The following IFI30 variants were observed in gnomAD, a reference collection of about 807,000 sequenced individuals.
IFI30 encodes IFI30 lysosomal thiol reductase, also known as gamma-interferon-inducible lysosomal thiol reductase.
Under a neutral mutation model 30.1 loss-of-function variants are expected in IFI30, and 26 were observed. That is an observed-to-expected ratio of 0.87 (90% CI 0.63 to 1.20). IFI30 has a LOEUF of 1.20. Ranked by LOEUF, IFI30 falls within the 50% of genes most tolerant of loss-of-function variation. IFI30 has a pLI of 0.00. For missense variants in IFI30, 296 were observed against 312.5 expected, an observed-to-expected ratio of 0.95 and a Z score of 0.40; for synonymous variants, 149 against 134.5, an observed-to-expected ratio of 1.11 and a Z score of -0.75.
Position 18,178,036 on chromosome 19 carries a change from C to A in IFI30, c.*125C>A. On this transcript the variant is annotated 3_prime_UTR_variant, in exon 7 of 7. Coordinates refer to ENST00000407280, the MANE Select transcript of IFI30 (RefSeq NM_006332.5). ...GGAAAATTTTATGCATCCCATGAAG[C>A]CCAGATACACAAAATTCCACCCCAT... is the stretch of plus-strand genomic sequence containing the variant. The A allele has an allele frequency of 1.1e-6, 1 of 880,830 alleles. No individual in the cohort carries two copies. Among genetic ancestry groups the A allele is most frequent in the Non-Finnish European group, 1.8e-6 (1 of 551,926 alleles). 54.6% of individuals were successfully genotyped at this position (880,830 alleles called of 1,614,324 possible). A position where few individuals can be genotyped will look rare whatever the true frequency, so the allele number is the denominator to read the frequency against.
rs1171734482 is a variant in IFI30 at position 18,177,183 on chromosome 19, TG to T, written c.529del (p.Glu177SerfsTer78). On this transcript the variant is annotated frameshift_variant, in exon 5 of 7. Coordinates refer to ENST00000407280, the MANE Select transcript of IFI30 (RefSeq NM_006332.5). LOFTEE classifies it high-confidence loss of function. ...YAPGLSPDTI[M>X]ECAMGDRGMQ... ...CCAGGGCTGTCGCCAGACACTATCA[TG>T]GAGTGTGCAATGGGGGACCGCGGCA... The T allele has an allele frequency of 8.9e-6, 14 of 1,573,574 alleles. No individual in the cohort carries two copies. Among genetic ancestry groups the T allele is most frequent in the Non-Finnish European group, 1.2e-5 (14 of 1,159,496 alleles).
In IFI30 at chr19:18,173,988, A is replaced by G. The variant is rs1967233138; in HGVS notation, c.132+15A>G. 4 of 1,546,740 alleles carry G rather than the reference A, an allele frequency of 2.6e-6. No homozygotes were observed. Among genetic ancestry groups the G allele is most frequent in the East Asian group, 2.5e-5 (1 of 40,506 alleles). Reference sequence around the variant, plus strand: ...TTAACTACAAGGTAGGGACGGCGACAGGGCGGGCAGGCTGGAGGGAACAGG... The same window carrying G: ...TTAACTACAAGGTAGGGACGGCGACGGGGCGGGCAGGCTGGAGGGAACAGG... On this transcript the variant is annotated intron_variant, in intron 1 of 6. Transcript: ENST00000407280.
Position 18,177,832 on chromosome 19 carries a change from A to G in IFI30, c.691-17A>G, listed in dbSNP as rs77583590. The G allele has an allele frequency of 8.4e-3, 13,453 of 1,605,778 alleles. 334 individuals carry two copies. The highest frequency in any genetic ancestry group is 0.065 in the Admixed American group (3,820 of 58,398). On this transcript the variant is annotated splice_polypyrimidine_tract_variant and intron_variant, in intron 6 of 6. Transcript: ENST00000407280. ...GGGTCTCCTTCCAGGACCCCAACTC[A>G]TGGCCTTCACCTCCAGGGCAAGAAG...
chr19:18,177,731 C>G lies in IFI30; in HGVS notation c.657C>G (p.Thr219=). The part of the protein sequence containing the change: ...TVNGKPLEDQ[T]QLLTLVCQLY... ...TGCAGAAACCCTTGGAAGATCAGAC[C>G]CAGCTCCTTACCCTTGTCTGCCAGT... is the stretch of plus-strand genomic sequence containing the variant. Residue 219 remains threonine, a synonymous_variant, in exon 6 of 7, where the codon ACC becomes ACG. Coordinates refer to ENST00000407280, the MANE Select transcript of IFI30 (RefSeq NM_006332.5). 1.9e-6 allele frequency: 3 copies of G among 1,613,804 alleles called. No individual in the cohort carries two copies. The highest frequency in any genetic ancestry group is 2.5e-6 in the Non-Finnish European group (3 of 1,179,858).
intron 1 of IFI30, 184 bp from the exon 2 acceptor site, chr19:18,174,856 G>A (rs978684708): frequency 8.9e-5 from 50 of 563,078 alleles, no homozygotes; most frequent in Non-Finnish European, 1.3e-4. Flanking sequence ...TAGCGACAGT[G>A]AGACTCCATC....
In IFI30 at chr19:18,175,077, C is replaced by G. The variant is rs917378995; in HGVS notation, c.170C>G (p.Ser57Cys). 5.0e-6 allele frequency: 8 copies of G among 1,613,762 alleles called. No homozygotes were observed. Among genetic ancestry groups the G allele is most frequent in the Non-Finnish European group, 6.8e-6 (8 of 1,179,860 alleles). ...TACCTGCGGGGGCCCCTGAAGAAGT[C>G]CAATGCACCGCTTGTCAATGTGACC... ...NLYLRGPLKK[S>C]NAPLVNVTLY... Residue 57 changes from serine (S) to cysteine (C), a missense_variant, in exon 2 of 7, where the codon TCC (serine) becomes TGC (cysteine). Transcript: ENST00000407280.
chr19:18,175,457 G>A (rs1600001867), intron 3 of IFI30, 72 bp downstream of exon 3: 2 of 1,459,568 alleles, frequency 1.4e-6, no homozygotes. Flanking sequence ...ATACGAGGAT[G>A]CCAGCTCTGT....
chr19:18,176,601 G>A (rs981126705), intron 4 of IFI30, among the ~76,000 whole-genome samples: 2 of 152,154 alleles, frequency 1.3e-5, no homozygotes, highest in Admixed American at 6.5e-5. Flanking sequence ...CAGATGATGG[G>A]ATGTGGAGAT....
In IFI30 at chr19:18,177,828, A is replaced by G. The variant is rs759782481; in HGVS notation, c.691-21A>G. 2.1e-5 allele frequency: 33 copies of G among 1,606,604 alleles called. No homozygotes were observed. The East Asian group carries it at 2.2e-4, about 11-fold the overall frequency. On this transcript the variant is annotated intron_variant, in intron 6 of 6. Coordinates refer to ENST00000407280, the MANE Select transcript of IFI30 (RefSeq NM_006332.5). ...GGTAGGGTCTCCTTCCAGGACCCCA[A>G]CTCATGGCCTTCACCTCCAGGGCAA... is the stretch of plus-strand genomic sequence containing the variant.
chr19:18,175,108 C>T lies in IFI30; in HGVS notation c.201C>T (p.Tyr67=), dbSNP rs1472471860. ...SNAPLVNVTL[Y]YEALCGGCRA... is the part of the protein sequence containing the mutation. The stretch of plus-strand genomic sequence containing the variant: ...CACCGCTTGTCAATGTGACCCTCTA[C>T]TATGAAGCACTGTGCGGTGGCTGCC... The change falls in exon 2 of 7, where the codon TAC becomes TAT. Residue 67 remains tyrosine (Y), a synonymous_variant. Transcript: ENST00000407280. The T allele has an allele frequency of 6.2e-7, 1 of 1,613,690 alleles. No individual in the cohort carries two copies. Among genetic ancestry groups the T allele is most frequent in the East Asian group, 2.2e-5 (1 of 44,876 alleles).
Position 18,175,340 on chromosome 19 carries a change from C to A in IFI30, c.345C>A (p.Phe115Leu). 6.3e-7 allele frequency: 1 copy of A among 1,591,334 alleles called. No homozygotes were observed. Among genetic ancestry groups the A allele is most frequent in the South Asian group, 1.1e-5 (1 of 87,536 alleles). The change falls in exon 3 of 7, where the codon TTC becomes TTA. Residue 115 changes from phenylalanine to leucine, a missense_variant. Transcript: ENST00000407280. ...AAAATGTCAGTGGCAGGTGGGAGTT[C>A]AAGTGCCAGCATGGAGAAGAGGAGT... ...QEQNVSGRWE[F>L]KCQHGEEECK... is the part of the protein sequence containing the mutation.
In IFI30 at chr19:18,173,825, C is replaced by T. The variant is rs1403809968; in HGVS notation, c.-17C>T. The T allele has an allele frequency of 6.5e-7, 1 of 1,539,056 alleles. No homozygotes were observed. The highest frequency in any genetic ancestry group is 2.0e-5 in the Admixed American group (1 of 50,396). On this transcript the variant is annotated 5_prime_UTR_variant, in exon 1 of 7. Transcript: ENST00000407280. ...CCAGGCAGCCGCTGCAGTCGCCACA[C>T]CTTTGCCCCTGCTGCGATGACCCTG... is the stretch of plus-strand genomic sequence containing the variant.
chr19:18,176,140 CCTTTTTTTTTTTTTT>C (rs1967267155), intron 4 of IFI30, among the ~76,000 whole-genome samples: 1 of 123,226 alleles, frequency 8.1e-6, no homozygotes, highest in Non-Finnish European at 1.7e-5. Context: ...CGCACCCAGC[CCTTTTTTTTTTTTTT>C]TTTTTTTTTT....
At chr19:18,177,361 G>A in intron 5 of IFI30, 69 bp downstream of exon 5, 1 of 1,492,260 alleles carries the variant, frequency 6.7e-7, no homozygotes, top group Non-Finnish European at 9.0e-7. Context: ...CAAGACAGAG[G>A]GACCAGAGAT....
intron 3 of IFI30, 92 bp from the exon 4 acceptor site, chr19:18,175,513 C>T (rs1600001926): frequency 5.7e-6 from 8 of 1,391,744 alleles, no homozygotes; most frequent in African/African-American, 1.4e-5. Flanking sequence ...TATTCCCTAT[C>T]TCCTGGGTGG....
intron 1 of IFI30, chr19:18,174,506 G>A (rs1474449173): frequency 6.3e-6 from 1 of 158,332 alleles, no homozygotes; most frequent in Non-Finnish European, 1.4e-5. Flanking sequence ...CTATTCAGTC[G>A]GACTTGGAAA....
At chr19:18,175,759 C>T in intron 4 of IFI30, 62 bp downstream of exon 4, 1 of 1,283,890 alleles carries the variant, frequency 7.8e-7, no homozygotes, top group South Asian at 1.3e-5. Context: ...TCCCTGCATC[C>T]AGGCAGACCC....
At position 18,177,539 on chromosome 19, in the gene IFI30, G is replaced by T. The variant is rs1273138489; in HGVS notation, c.637-172G>T. ...AGGCAAAAAAAGTATGTATTAATTC[G>T]AAGTATTAAACATCCCTAGCCACCC... On this transcript the variant is annotated intron_variant, in intron 5 of 6. Coordinates refer to ENST00000407280, the MANE Select transcript of IFI30 (RefSeq NM_006332.5). 3.6e-6 allele frequency: 3 copies of T among 832,426 alleles called. No homozygotes were observed. In the East Asian group the frequency reaches 8.0e-5, roughly 22 times the overall value. 51.6% of individuals were successfully genotyped at this position (832,426 alleles called of 1,614,324 possible).
rs1967292682 is a variant in IFI30 at position 18,177,885 on chromosome 19, T to C, written c.727T>C (p.Ser243Pro). The change falls in exon 7 of 7, where the codon TCC (serine) becomes CCC (proline). Residue 243 changes from serine (S) to proline (P), a missense_variant. Ser to Pro is a moderately conservative substitution (Grantham distance 74). Transcript: ENST00000407280. ...GGATGTCTGCCCTTCCTCAACCAGCTCCCTCAGGAGTGTTTGCTTCAAGTG... is the reference window on the plus strand; with the variant it reads ...GGATGTCTGCCCTTCCTCAACCAGCCCCCTCAGGAGTGTTTGCTTCAAGTG... ...KPDVCPSSTS[S>P]LRSVCFK The C allele has an allele frequency of 1.3e-6, 2 of 1,595,786 alleles. No homozygotes were observed. Among genetic ancestry groups the C allele is most frequent in the South Asian group, 2.3e-5 (2 of 88,058 alleles).
Sources: gnomAD v4.1 joint callset for allele counts (sites outside exome capture counted in the v4.1 genomes callset) on GRCh38, gnomAD v4.1.1 for gene constraint, MANE v1.5 for transcripts, NCBI Gene and HGNC (gene_info 2026-07-23, HGNC 2026-07-21) for gene names.